RAB11FIP3: variants seen among roughly 807,000 people sequenced by gnomAD.
RAB11FIP3 encodes the protein RAB11 family interacting protein 3.
A neutral mutation model predicts 77.8 loss-of-function variants in RAB11FIP3; 17 were observed. That is an observed-to-expected ratio of 0.22 (90% CI 0.15 to 0.33). The LOEUF (loss-of-function observed/expected upper bound fraction) is 0.33, where lower values mean the gene tolerates loss of function less well. Ranked by LOEUF, RAB11FIP3 falls within the 10% of genes least tolerant of loss-of-function variation. The pLI, the probability that RAB11FIP3 is intolerant of heterozygous loss-of-function variation, is 1.00. For synonymous variants in RAB11FIP3, 437 were observed against 448.2 expected, an observed-to-expected ratio of 0.98 and a Z score of 0.31; for missense variants, 1,005 against 1,011.2, an observed-to-expected ratio of 0.99 and a Z score of 0.08.
rs745357140 is a variant in RAB11FIP3, at chr16:426,556, C to T, written c.550C>T (p.Pro184Ser). The T allele has an allele frequency of 1.9e-6, 3 of 1,585,106 alleles. No homozygotes were observed. The highest frequency in any genetic ancestry group is 1.1e-5 in the South Asian group (1 of 87,430). ...LEQGPGSPPQ[P>S]SDLSQTHPLP... Reference sequence around the variant, plus strand: ...GCAAGGTCCCGGGTCCCCGCCGCAGCCCTCGGACCTCAGCCAGACCCACCC... The same window carrying T: ...GCAAGGTCCCGGGTCCCCGCCGCAGTCCTCGGACCTCAGCCAGACCCACCC... The change falls in exon 1 of 14, where the codon CCC becomes TCC. Residue 184 changes from proline (P) to serine (S), a missense_variant. Physicochemically the swap from Pro to Ser is moderately conservative, Grantham distance 74. Around this residue, in one of 4 missense-constraint regions of RAB11FIP3, gnomAD observed 466 missense variants for 408.3 expected, o/e 1.14. Transcript: ENST00000262305. The surrounding 1 kb of genome is among the most constrained non-coding windows in gnomAD (Gnocchi z 5.0).
Position 457,499 on chromosome 16 carries a change from TCA to T in RAB11FIP3, c.715-3902_715-3901del, listed in dbSNP as rs1162614604. On this transcript the variant is annotated intron_variant, in intron 1 of 13. Transcript: ENST00000262305. ...AGGGAAGGGCAGGCTGTCTCATTTT[TCA>T]CAGTTTCACCTTTTTTTTTTTTTTT... 3.3e-5 allele frequency among the ~76,000 whole-genome samples: 5 copies of T among 150,436 alleles called. No individual in the cohort carries two copies. The South Asian group carries it at 6.2e-4, about 19-fold the overall frequency.
At chr16:427,083 C>T (rs1280185958) in intron 1 of RAB11FIP3, among the ~76,000 whole-genome samples, 2 of 152,134 alleles carry the variant, frequency 1.3e-5, no homozygotes, top group African/African-American at 4.8e-5. Flanking sequence ...GAAGAAGTTC[C>T]CCGCGATTCC....
chr16:510,000 C>T (rs557800030), intron 8 of RAB11FIP3, among the ~76,000 whole-genome samples: 2 of 152,346 alleles, frequency 1.3e-5, no homozygotes, highest in African/African-American at 4.8e-5. Flanking sequence ...ATGCTGTGGC[C>T]CTTGGGCCCT....
intron 1 of RAB11FIP3, among the ~76,000 whole-genome samples, chr16:458,894 A>G (rs2055555373): frequency 6.6e-6 from 1 of 152,130 alleles, no homozygotes; most frequent in African/African-American, 2.4e-5. Flanking sequence ...TCAAACCCAT[A>G]TGAAAGTGGA....
At chr16:455,618 A>G (rs537269470) in intron 1 of RAB11FIP3, among the ~76,000 whole-genome samples, 1 of 151,862 alleles carries the variant, frequency 6.6e-6, no homozygotes, top group Non-Finnish European at 1.5e-5. Flanking sequence ...TTTTTGGGAG[A>G]TAGGGTCTCA....
intron 1 of RAB11FIP3, among the ~76,000 whole-genome samples, chr16:432,095 G>T (rs973942779): frequency 2.0e-5 from 3 of 151,708 alleles, no homozygotes; most frequent in Non-Finnish European, 4.4e-5. Flanking sequence ...TGTTTTAAAA[G>T]AAACTGGCCT....
At chr16:495,940 G>A (rs1057072261) in intron 5 of RAB11FIP3, among the ~76,000 whole-genome samples, 1 of 152,106 alleles carries the variant, frequency 6.6e-6, no homozygotes, top group Non-Finnish European at 1.5e-5. Context: ...AGTAGAGACA[G>A]GGTTTCTCCA....
intron 9 of RAB11FIP3, among the ~76,000 whole-genome samples, chr16:512,394 C>A (rs2032221530): frequency 6.6e-6 from 1 of 152,100 alleles, no homozygotes; most frequent in East Asian, 1.9e-4. Flanking sequence ...GTGCCTGCCA[C>A]CACGCCCGGC....
chr16:427,536 T>TTA (rs1197978050), intron 1 of RAB11FIP3, among the ~76,000 whole-genome samples: 1 of 152,186 alleles, frequency 6.6e-6, no homozygotes, highest in Non-Finnish European at 1.5e-5. Context: ...CCTCAGCACT[T>TTA]AATAAAGTTT....
intron 1 of RAB11FIP3, among the ~76,000 whole-genome samples, chr16:443,623 T>G (rs2055261792): frequency 6.6e-6 from 1 of 152,222 alleles, no homozygotes; most frequent in Non-Finnish European, 1.5e-5. Context: ...TGGAGTGCAG[T>G]GGCGCGATCT....
At chr16:503,445 A>G (rs1219066226) in intron 7 of RAB11FIP3, among the ~76,000 whole-genome samples, 1 of 152,072 alleles carries the variant, frequency 6.6e-6, no homozygotes, top group African/African-American at 2.4e-5. Context: ...TGGAGACGCG[A>G]CCTGGGGCAC....
At chr16:477,482 C>T (rs2055940319) in intron 3 of RAB11FIP3, among the ~76,000 whole-genome samples, 3 of 152,174 alleles carry the variant, frequency 2.0e-5, no homozygotes, top group Admixed American at 2.0e-4. Context: ...CGCATCCTGC[C>T]CCGTCATGCC....
chr16:500,563 C>G (rs556020951), intron 6 of RAB11FIP3, among the ~76,000 whole-genome samples: 5 of 151,726 alleles, frequency 3.3e-5, no homozygotes, highest in African/African-American at 9.7e-5. Context: ...TGGCAGGTGC[C>G]TGTAATCCCA....
chr16:435,221 A>AG (rs1179746624), intron 1 of RAB11FIP3, among the ~76,000 whole-genome samples: 7 of 151,798 alleles, frequency 4.6e-5, no homozygotes, highest in African/African-American at 1.7e-4. Context: ...AAAAAAAAAA[A>AG]GTTAAGGACT....
At chr16:477,643 G>A (rs1303264640) in intron 3 of RAB11FIP3, 2 of 985,354 alleles carry the variant, frequency 2.0e-6, no homozygotes, top group Non-Finnish European at 2.4e-6. Context: ...AGGAGTGGGA[G>A]CTGCCCAGGG....
At position 497,266 on chromosome 16, in the gene RAB11FIP3, C is replaced by A. The variant is rs775759937; in HGVS notation, c.1301+407C>A. On this transcript the variant is annotated intron_variant, in intron 6 of 13. Coordinates refer to ENST00000262305, the MANE Select transcript of RAB11FIP3 (RefSeq NM_014700.4). ...TGAGGGATGGGTCTGACTCCAATTC[C>A]TAAAGACCATTTCTTCATTTTCCAG... 49 of 1,305,288 alleles carry A rather than the reference C, an allele frequency of 3.8e-5. 3 individuals are homozygous for A. The South Asian group carries it at 5.9e-4, about 16-fold the overall frequency. The allele number at this position is 1,305,288 out of a possible 1,614,324, so 80.9% of individuals were successfully genotyped here. A position where few individuals can be genotyped will look rare whatever the true frequency, so the allele number is the denominator to read the frequency against.
intron 1 of RAB11FIP3, among the ~76,000 whole-genome samples, chr16:441,762 G>A (rs1322167983): frequency 6.6e-6 from 1 of 152,196 alleles, no homozygotes; most frequent in Non-Finnish European, 1.5e-5. Context: ...CAGCCTTTGA[G>A]TGACTGATAC....
rs1271893676 is a variant in RAB11FIP3 at position 521,156 on chromosome 16, C to T, written c.*317C>T. 9.0e-6 allele frequency: 4 copies of T among 443,098 alleles called. No individual in the cohort carries two copies. Among genetic ancestry groups the T allele is most frequent in the African/African-American group, 4.0e-5 (2 of 50,588 alleles). 27.4% of individuals were successfully genotyped at this position (443,098 alleles called of 1,614,324 possible). Reference sequence around the variant, plus strand: ...AGCCCTGAGTCAAGCTGGCCATGAACGCGTACACTTCAGTTCAGCAGGATG... The same window carrying T: ...AGCCCTGAGTCAAGCTGGCCATGAATGCGTACACTTCAGTTCAGCAGGATG... On this transcript the variant is annotated 3_prime_UTR_variant, in exon 14 of 14. Coordinates refer to ENST00000262305, the MANE Select transcript of RAB11FIP3 (RefSeq NM_014700.4).
chr16:431,664 C>T lies in RAB11FIP3; in HGVS notation c.714+4944C>T, dbSNP rs150864184. Among the ~76,000 whole-genome samples the T allele has an allele frequency of 5.0e-3, 763 of 152,140 alleles. 4 individuals carry two copies. The highest frequency in any genetic ancestry group is 0.017 in the African/African-American group (708 of 41,512). On this transcript the variant is annotated intron_variant, in intron 1 of 13. Transcript: ENST00000262305. Reference sequence around the variant, plus strand: ...TGTTGGGATTACAGATGTGAGCCACCGCACCTGGCCCAGACCTTTTTTAAC... The same window carrying T: ...TGTTGGGATTACAGATGTGAGCCACTGCACCTGGCCCAGACCTTTTTTAAC...
Sources: allele counts gnomAD v4.1 joint callset (sites outside exome capture counted in the v4.1 genomes callset), GRCh38; gene constraint gnomAD v4.1.1; regional missense constraint gnomAD v4.1.1; non-coding constraint Gnocchi (gnomAD v3.1); transcripts MANE v1.5; gene names NCBI Gene and HGNC (gene_info 2026-07-23, HGNC 2026-07-21).